The following KSR2 variants were observed in gnomAD, a reference collection of about 807,000 sequenced individuals.
KSR2 encodes kinase suppressor of ras 2.
In KSR2, 25 loss-of-function variants were observed where a neutral mutation model predicts 107.8. The ratio of observed to expected loss-of-function variants is 0.23; its 90% CI spans 0.17 to 0.32. KSR2 has a LOEUF of 0.32. Among genes scored for constraint, KSR2 ranks in the 10% least tolerant of loss-of-function variants. The pLI, the probability that KSR2 is intolerant of heterozygous loss-of-function variation, is 1.00. For missense variants in KSR2, 887 were observed against 1,268.9 expected, an observed-to-expected ratio of 0.70 and a Z score of 4.57; for synonymous variants, 480 against 507.0, an observed-to-expected ratio of 0.95 and a Z score of 0.71.
chr12:117,909,772 G>A (rs1407087991), intron 1 of KSR2, among the ~76,000 whole-genome samples: 2 of 151,784 alleles, frequency 1.3e-5, no homozygotes, highest in Non-Finnish European at 2.9e-5. Flanking sequence ...GCTGGGCATG[G>A]TGGCGCATGC....
chr12:117,511,338 A>G (rs1874013573), intron 14 of KSR2, among the ~76,000 whole-genome samples: 1 of 152,256 alleles, frequency 6.6e-6, no homozygotes. Flanking sequence ...CTTTATACCC[A>G]AGAGTAAGAG....
chr12:117,739,538 G>A lies in KSR2; in HGVS notation c.986+21473C>T, dbSNP rs116265961. ...AGTGCATGAGTACAATTAGTGCCGGGCATATCACTGGCCCTCGATAATGAT... is the reference window on the plus strand; with the variant it reads ...AGTGCATGAGTACAATTAGTGCCGGACATATCACTGGCCCTCGATAATGAT... On this transcript the variant is annotated intron_variant, in intron 4 of 19. Transcript: ENST00000339824. 9.7e-3 allele frequency among the ~76,000 whole-genome samples: 1,475 copies of A among 152,184 alleles called. 27 individuals are homozygous for A. The highest frequency in any genetic ancestry group is 0.033 in the African/African-American group (1,376 of 41,514).
At chr12:117,913,895 T>C (rs1895098863) in intron 1 of KSR2, among the ~76,000 whole-genome samples, 1 of 152,186 alleles carries the variant, frequency 6.6e-6, no homozygotes, top group African/African-American at 2.4e-5. Context: ...CAGCATGTTT[T>C]ATTGTCTGCC....
chr12:117,684,797 A>G (rs1010534587), intron 4 of KSR2, among the ~76,000 whole-genome samples: 4 of 152,248 alleles, frequency 2.6e-5, no homozygotes, highest in African/African-American at 9.6e-5. Flanking sequence ...CGGCGTTCCC[A>G]ATAATTAATG....
At chr12:117,887,055 T>C (rs1894198491) in intron 1 of KSR2, among the ~76,000 whole-genome samples, 1 of 151,672 alleles carries the variant, frequency 6.6e-6, no homozygotes. Context: ...TCCCCAGTAG[T>C]TGGGACTACG....
chr12:117,577,688 G>A (rs1879368460), intron 7 of KSR2, among the ~76,000 whole-genome samples: 1 of 152,078 alleles, frequency 6.6e-6, no homozygotes, highest in African/African-American at 2.4e-5. Context: ...AGCAAAAGGG[G>A]TTTCCCCTTA....
chr12:117,490,730 A>G (rs1872701485), intron 14 of KSR2, among the ~76,000 whole-genome samples: 1 of 152,188 alleles, frequency 6.6e-6, no homozygotes, highest in Non-Finnish European at 1.5e-5. Context: ...GGTATCTTCA[A>G]TGATTTAATG....
intron 1 of KSR2, among the ~76,000 whole-genome samples, chr12:117,868,145 C>A (rs77632486): frequency 1.3e-5 from 2 of 152,020 alleles, no homozygotes; most frequent in African/African-American, 4.8e-5. Context: ...AATAAAAATA[C>A]GGCCGGGCAC....
At chr12:117,884,350 C>T in intron 1 of KSR2, among the ~76,000 whole-genome samples, 1 of 152,208 alleles carries the variant, frequency 6.6e-6, no homozygotes, top group African/African-American at 2.4e-5. Context: ...TGCCAGCTCT[C>T]AGCACAATGT....
At chr12:117,730,206 C>A (rs1447153088) in intron 4 of KSR2, among the ~76,000 whole-genome samples, 1 of 152,142 alleles carries the variant, frequency 6.6e-6, no homozygotes, top group African/African-American at 2.4e-5. Context: ...TGGTAGCTTG[C>A]CGATCCCTGT....
intron 8 of KSR2, among the ~76,000 whole-genome samples, chr12:117,557,235 T>C (rs1181338965): frequency 1.3e-5 from 2 of 152,188 alleles, no homozygotes; most frequent in Admixed American, 6.5e-5. Flanking sequence ...TTGTTGGAAA[T>C]GTCAGAAATG....
At chr12:117,927,094 G>A (rs1462623143) in intron 1 of KSR2, among the ~76,000 whole-genome samples, 2 of 152,034 alleles carry the variant, frequency 1.3e-5, no homozygotes, top group African/African-American at 2.4e-5. Context: ...GACCATGGCC[G>A]GGCACGGTGG....
intron 3 of KSR2, among the ~76,000 whole-genome samples, chr12:117,790,750 C>T (rs951754513): frequency 6.6e-6 from 1 of 152,164 alleles, no homozygotes; most frequent in Non-Finnish European, 1.5e-5. Flanking sequence ...TTTCCCTTCA[C>T]GGAGTCATCC....
At chr12:117,957,831 CTT>C (rs566320050) in intron 1 of KSR2, among the ~76,000 whole-genome samples, 70,652 of 136,894 alleles carry the variant, frequency 0.52, 18,332 homozygotes, top group Non-Finnish European at 0.54. Context: ...GGCTGACCAC[CTT>C]TTTTTTTTTT....
chr12:117,658,825 G>T (rs1288017630), intron 5 of KSR2, among the ~76,000 whole-genome samples: 2 of 152,138 alleles, frequency 1.3e-5, no homozygotes, highest in Non-Finnish European at 2.9e-5. Flanking sequence ...TCATAGAAAT[G>T]AGGTCAGGCC....
chr12:117,790,310 A>G (rs1890210797), intron 3 of KSR2, among the ~76,000 whole-genome samples: 3 of 151,716 alleles, frequency 2.0e-5, no homozygotes, highest in African/African-American at 7.3e-5. Flanking sequence ...TAAGAGGTAC[A>G]TTGGCTCAGT....
intron 5 of KSR2, among the ~76,000 whole-genome samples, chr12:117,655,227 C>T (rs189614930): frequency 1.3e-5 from 2 of 152,344 alleles, no homozygotes; most frequent in Admixed American, 6.5e-5. Flanking sequence ...CACGGAATGG[C>T]TTATCCACCA....
At position 117,484,563 on chromosome 12, in the gene KSR2, G is replaced by C. The variant is rs12318017; in HGVS notation, c.2317-14C>G. ...GTAGCCCATGCCCTGCAAGAAGCAAGGAACAGAGAGTTGCCAGAGAAAAAC... is the reference window on the plus strand; with the variant it reads ...GTAGCCCATGCCCTGCAAGAAGCAACGAACAGAGAGTTGCCAGAGAAAAAC... On this transcript the variant is annotated splice_polypyrimidine_tract_variant and intron_variant, in intron 15 of 19. Coordinates refer to ENST00000339824, the MANE Select transcript of KSR2 (RefSeq NM_173598.6). The C allele has an allele frequency of 1.6e-3, 2,584 of 1,612,924 alleles. 42 individuals carry two copies. In the African/African-American group the frequency reaches 0.029, roughly 18 times the overall value.
intron 12 of KSR2, among the ~76,000 whole-genome samples, chr12:117,527,996 T>TGA (rs1555212890): frequency 4.2e-5 from 6 of 143,094 alleles, no homozygotes; most frequent in East Asian, 4.0e-4. Context: ...TGTGTGTGTG[T>TGA]GATGCATTCA....
Sources: allele counts gnomAD v4.1 joint callset (sites outside exome capture counted in the v4.1 genomes callset), GRCh38; gene constraint gnomAD v4.1.1; transcripts MANE v1.5; gene names NCBI Gene and HGNC (gene_info 2026-07-23, HGNC 2026-07-21).